LRRK2: variants seen among roughly 807,000 people sequenced by gnomAD.
LRRK2 encodes the protein leucine rich repeat kinase 2.
LRRK2 carries 203 observed loss-of-function variants against 302.6 expected under a neutral mutation model. The ratio of observed to expected loss-of-function variants is 0.67; its 90% CI spans 0.60 to 0.75. The LOEUF is 0.75. Ranked by LOEUF, LRRK2 falls within the 30% of genes least tolerant of loss-of-function variation. LRRK2 has a pLI of 0.00. For synonymous variants in LRRK2, 1,066 were observed against 1,031.9 expected, an observed-to-expected ratio of 1.03 and a Z score of -0.63; for missense variants, 2,830 against 2,951.0, an observed-to-expected ratio of 0.96 and a Z score of 0.95.
chr12:40,329,090 C>T (rs1297470095), intron 39 of LRRK2, among the ~76,000 whole-genome samples: 2 of 152,174 alleles, frequency 1.3e-5, no homozygotes, highest in African/African-American at 4.8e-5. Context: ...TAAACTAAAA[C>T]TCTCACTGAT....
intron 31 of LRRK2, among the ~76,000 whole-genome samples, chr12:40,312,519 T>A (rs1410914283): frequency 6.6e-6 from 1 of 152,126 alleles, no homozygotes; most frequent in African/African-American, 2.4e-5. Context: ...TTTTTCATAT[T>A]TGCCTTTGAT....
chr12:40,330,540 T>G (rs1420539281), intron 39 of LRRK2, among the ~76,000 whole-genome samples: 1 of 152,192 alleles, frequency 6.6e-6, no homozygotes, highest in Non-Finnish European at 1.5e-5. Flanking sequence ...ATCTAATTCA[T>G]TATTTTGTGA....
intron 30 of LRRK2, 138 bp downstream of exon 30, chr12:40,309,371 A>C: frequency 1.7e-6 from 2 of 1,148,362 alleles, no homozygotes; most frequent in Non-Finnish European, 1.2e-6. Context: ...GAAGCACTAA[A>C]ATTTTGAATT....
At chr12:40,307,761 T>G (rs1565736396) in intron 28 of LRRK2, among the ~76,000 whole-genome samples, 1 of 144,598 alleles carries the variant, frequency 6.9e-6, no homozygotes, top group African/African-American at 2.5e-5. Flanking sequence ...ATTTATAGGG[T>G]TTTTCTTTTC....
chr12:40,350,886 T>G (rs1946330231), intron 43 of LRRK2, among the ~76,000 whole-genome samples: 1 of 152,218 alleles, frequency 6.6e-6, no homozygotes, highest in Non-Finnish European at 1.5e-5. Context: ...TTAAAAAGCT[T>G]AGACATACTT....
At chr12:40,261,376 C>T (rs1048929863) in intron 13 of LRRK2, among the ~76,000 whole-genome samples, 2 of 152,020 alleles carry the variant, frequency 1.3e-5, no homozygotes, top group South Asian at 4.1e-4. Context: ...TATTTCTTTT[C>T]TTTTATTGTT....
rs767556432 is a variant in LRRK2 at position 40,359,349 on chromosome 12, A to C, written c.6933A>C (p.Glu2311Asp). The C allele has an allele frequency of 1.2e-6, 2 of 1,613,274 alleles. No homozygotes were observed. Among genetic ancestry groups the C allele is most frequent in the African/African-American group, 2.7e-5 (2 of 74,878 alleles). ...MCLSESTNSTERNVMWGGCGT... is the reference protein window; with the variant it reads ...MCLSESTNSTDRNVMWGGCGT... ...TGAGTGAATCCACAAATTCAACGGA[A>C]AGAAATGTAATGTGGGGAGGATGTG... is the stretch of plus-strand genomic sequence containing the variant. The change falls in exon 47 of 51, where the codon GAA (glutamate) becomes GAC (aspartate). Residue 2311 changes from glutamate to aspartate, a missense_variant. Transcript: ENST00000298910.
intron 2 of LRRK2, among the ~76,000 whole-genome samples, chr12:40,229,334 T>TAAA (rs1036750858): frequency 6.6e-6 from 1 of 152,188 alleles, no homozygotes; most frequent in Non-Finnish European, 1.5e-5. Context: ...AATTACTATT[T>TAAA]AAAATAAAGA....
chr12:40,286,902 T>C (rs1167125383), intron 19 of LRRK2, among the ~76,000 whole-genome samples: 1 of 152,106 alleles, frequency 6.6e-6, no homozygotes, highest in Non-Finnish European at 1.5e-5. Flanking sequence ...TAGCAGTTTA[T>C]GTGTTCTATG....
rs771908830 is a variant in LRRK2, at chr12:40,351,722, T to G, written c.6565T>G (p.Tyr2189Asp). ...LSFLDLNTEG[Y>D]TSEEVADSRI... is the part of the protein sequence containing the mutation. ...ATTTCTTGACTTAAATACTGAAGGATACACTTCTGAGGTAAATCCAAATGC... is the reference window on the plus strand; with the variant it reads ...ATTTCTTGACTTAAATACTGAAGGAGACACTTCTGAGGTAAATCCAAATGC... The change falls in exon 44 of 51, where the codon TAC becomes GAC. Residue 2189 changes from tyrosine to aspartate, a missense_variant. Coordinates refer to ENST00000298910, the MANE Select transcript of LRRK2 (RefSeq NM_198578.4). 8 of 1,614,128 alleles carry G rather than the reference T, an allele frequency of 5.0e-6. No homozygotes were observed. Among genetic ancestry groups the G allele is most frequent in the Non-Finnish European group, 6.8e-6 (8 of 1,179,962 alleles).
chr12:40,328,254 G>A (rs1051587179), intron 38 of LRRK2, 106 bp from the exon 39 acceptor site: 108 of 828,830 alleles, frequency 1.3e-4, no homozygotes, highest in Admixed American at 2.2e-4. Flanking sequence ...AGTAGGTCAG[G>A]TTTCTATTCA....
chr12:40,259,335 C>A, intron 12 of LRRK2, 145 bp from the exon 13 acceptor site: 1 of 927,018 alleles, frequency 1.1e-6, no homozygotes, highest in Non-Finnish European at 1.7e-6. Flanking sequence ...TATGTATGCT[C>A]ATACTACTGA....
At chr12:40,318,845 C>T (rs1039642562) in intron 33 of LRRK2, among the ~76,000 whole-genome samples, 2 of 152,094 alleles carry the variant, frequency 1.3e-5, no homozygotes, top group African/African-American at 2.4e-5. Context: ...AAGTACACAA[C>T]ATGGGAGAAG....
rs10878245 is a variant in LRRK2 at position 40,237,989 on chromosome 12, T to C, written c.457T>C (p.Leu153=). 0.58 allele frequency: 937,080 copies of C among 1,609,940 alleles called. 279,105 individuals carry two copies. Among genetic ancestry groups the C allele is most frequent in the Non-Finnish European group, 0.62 (728,787 of 1,177,006 alleles). ...LTSGKITLLI[L]DEESDIFMLI... ...AATAGGTAAAATCACCTTGCTGATA[T>C]TGGATGAAGAAAGTGATATTTTCAT... is the stretch of plus-strand genomic sequence containing the variant. The change falls in exon 5 of 51, where the codon TTG becomes CTG. Residue 153 remains leucine (L), a synonymous_variant. Coordinates refer to ENST00000298910, the MANE Select transcript of LRRK2 (RefSeq NM_198578.4).
At chr12:40,249,378 T>G (rs189068815) in intron 7 of LRRK2, among the ~76,000 whole-genome samples, 53 of 151,612 alleles carry the variant, frequency 3.5e-4, no homozygotes, top group African/African-American at 1.3e-3. Context: ...AACATGCCAA[T>G]GAATTTTCTA....
At chr12:40,349,399 C>G (rs893133926) in intron 43 of LRRK2, among the ~76,000 whole-genome samples, 8 of 152,194 alleles carry the variant, frequency 5.3e-5, no homozygotes, top group African/African-American at 1.9e-4. Flanking sequence ...AATTTAGAAT[C>G]ATGCTGTCAA....
At chr12:40,266,333 TG>T (rs1182540370) in intron 14 of LRRK2, among the ~76,000 whole-genome samples, 1 of 152,138 alleles carries the variant, frequency 6.6e-6, no homozygotes, top group Non-Finnish European at 1.5e-5. Flanking sequence ...CATCAAAAAG[TG>T]GGCAAAGGAT....
In LRRK2 at chr12:40,287,536, G is replaced by T; in HGVS notation, c.2686G>T (p.Glu896Ter). The T allele has an allele frequency of 6.2e-7, 1 of 1,610,410 alleles. No individual in the cohort carries two copies. Among genetic ancestry groups the T allele is most frequent in the Non-Finnish European group, 8.5e-7 (1 of 1,178,320 alleles). ...TGCTCAAAGTGATGACCTGGATAGT[G>T]AAGGTATTTATTATAAAAAAAAACC... ...VFAQSDDLDSEGSEGSFLVKK... is the reference protein window; with the variant it reads ...VFAQSDDLDS The change falls in exon 20 of 51, where the codon GAA becomes TAA. Residue 896 changes from glutamate to a stop codon, truncating the protein, a stop_gained. Coordinates refer to ENST00000298910, the MANE Select transcript of LRRK2 (RefSeq NM_198578.4). LOFTEE classifies it high-confidence loss of function.
intron 46 of LRRK2, among the ~76,000 whole-genome samples, 186 bp downstream of exon 46, chr12:40,356,373 T>C (rs1946540478): frequency 6.6e-6 from 1 of 152,188 alleles, no homozygotes; most frequent in African/African-American, 2.4e-5. Flanking sequence ...ATTGACTGTA[T>C]ATTTTATATG....
Sources: allele counts gnomAD v4.1 joint callset (sites outside exome capture counted in the v4.1 genomes callset), GRCh38; gene constraint gnomAD v4.1.1; transcripts MANE v1.5; gene names NCBI Gene and HGNC (gene_info 2026-07-23, HGNC 2026-07-21).